Variants in GAB1 observed in about 807,000 individuals in gnomAD.
GAB1 encodes GRB2 associated binding protein 1.
GAB1 carries 19 observed loss-of-function variants against 66.5 expected under a neutral mutation model. The observed-to-expected ratio is 0.29, with a 90% confidence interval of 0.20 to 0.42. The LOEUF is 0.42. Ranked by LOEUF, GAB1 falls within the 10% of genes least tolerant of loss-of-function variation. GAB1 has a pLI of 1.00. For missense variants in GAB1, 732 were observed against 858.5 expected (o/e 0.85, Z 1.84); for synonymous variants, 294 against 301.4 (o/e 0.98, Z 0.25).
At chr4:143,387,156 AGTTTC>A (rs1225299402) in intron 1 of GAB1, among the ~76,000 whole-genome samples, 3 of 152,092 alleles carry the variant, frequency 2.0e-5, no homozygotes, top group Non-Finnish European at 2.9e-5. Flanking sequence ...TTTGAGACAG[AGTTTC>A]GCTCTTTTTG....
chr4:143,339,370 G>T (rs1728756106), intron 1 of GAB1, among the ~76,000 whole-genome samples: 1 of 152,244 alleles, frequency 6.6e-6, no homozygotes, highest in Non-Finnish European at 1.5e-5. Context: ...AAATAGCCGG[G>T]CGTGGTGGTG....
At chr4:143,449,336 G>C (rs1734762547) in intron 6 of GAB1, among the ~76,000 whole-genome samples, 1 of 151,648 alleles carries the variant, frequency 6.6e-6, no homozygotes, top group Non-Finnish European at 1.5e-5. Context: ...TTCAATTCCT[G>C]GGTATCCTTG....
At position 143,351,103 on chromosome 4, in the gene GAB1, G is replaced by T. The variant is rs551697777; in HGVS notation, c.72+13843G>T. ...TGAGGCCCCAGCGGGCGTGTGTTAC[G>T]GGGTGCTCTTTTAGTTTGCCGTCTA... On this transcript the variant is annotated intron_variant, in intron 1 of 9. Transcript: ENST00000262994. Among the ~76,000 whole-genome samples the T allele has an allele frequency of 1.8e-4, 28 of 152,302 alleles. 1 individual carries two copies. In the South Asian group the frequency reaches 5.4e-3, roughly 29 times the overall value.
At chr4:143,409,386 T>A (rs79109630) in intron 1 of GAB1, among the ~76,000 whole-genome samples, 2 of 138,576 alleles carry the variant, frequency 1.4e-5, no homozygotes, top group Non-Finnish European at 1.6e-5. Flanking sequence ...CTTTGAACTT[T>A]CCCCCCCCCC....
At chr4:143,343,039 A>G (rs1320622012) in intron 1 of GAB1, among the ~76,000 whole-genome samples, 2 of 152,144 alleles carry the variant, frequency 1.3e-5, no homozygotes, top group South Asian at 2.1e-4. Flanking sequence ...GTTTTGCTAT[A>G]GTGGAAGGAA....
At chr4:143,371,543 C>G (rs1312022366) in intron 1 of GAB1, among the ~76,000 whole-genome samples, 1 of 151,976 alleles carries the variant, frequency 6.6e-6, no homozygotes, top group East Asian at 1.9e-4. Context: ...TGCAGAAGCT[C>G]TTTAGTTTAA....
Position 143,446,062 on chromosome 4 carries a change from C to T in GAB1, c.1585+5680C>T, listed in dbSNP as rs989923545. On this transcript the variant is annotated intron_variant, in intron 6 of 9. Coordinates refer to ENST00000262994, the MANE Select transcript of GAB1 (RefSeq NM_002039.4). ...TGCAGTGTTTGGTTTTTTGTCCTTGCGATAGTTTACTGAGAATGATGATTT... is the reference window on the plus strand; with the variant it reads ...TGCAGTGTTTGGTTTTTTGTCCTTGTGATAGTTTACTGAGAATGATGATTT... Among the ~76,000 whole-genome samples the T allele has an allele frequency of 5.3e-5, 8 of 151,978 alleles. No individual in the cohort carries two copies. The East Asian group carries it at 5.8e-4, about 11-fold the overall frequency.
At chr4:143,370,494 T>G (rs1173228261) in intron 1 of GAB1, among the ~76,000 whole-genome samples, 1 of 152,150 alleles carries the variant, frequency 6.6e-6, no homozygotes, top group Admixed American at 6.5e-5. Flanking sequence ...GTGGAAACAG[T>G]CCTGTGCAGA....
chr4:143,368,691 C>T lies in GAB1; in HGVS notation c.72+31431C>T, dbSNP rs1729988175. 2.0e-5 allele frequency among the ~76,000 whole-genome samples: 3 copies of T among 152,184 alleles called. No individual in the cohort carries two copies. The Middle Eastern group carries it at 0.01, about 518-fold the overall frequency. The stretch of plus-strand genomic sequence containing the variant: ...ATATTTATTTTCTTTTGTCTAAACT[C>T]ATTCAATGTGCATTTTTCTCACCTG... On this transcript the variant is annotated intron_variant, in intron 1 of 9. Coordinates refer to ENST00000262994, the MANE Select transcript of GAB1 (RefSeq NM_002039.4).
At chr4:143,402,869 T>C (rs1001467509) in intron 1 of GAB1, among the ~76,000 whole-genome samples, 4 of 152,246 alleles carry the variant, frequency 2.6e-5, no homozygotes, top group African/African-American at 9.6e-5. Context: ...GCAGATCCTG[T>C]ATTTTTAAAT....
chr4:143,437,195 G>A (rs1445255620), intron 3 of GAB1, among the ~76,000 whole-genome samples: 1 of 152,158 alleles, frequency 6.6e-6, no homozygotes, highest in East Asian at 1.9e-4. Flanking sequence ...ATTCCTACAG[G>A]ACTTTGGACA....
intron 1 of GAB1, among the ~76,000 whole-genome samples, chr4:143,341,236 C>T (rs1391618983): frequency 3.3e-5 from 5 of 152,098 alleles, no homozygotes; most frequent in African/African-American, 7.2e-5. Context: ...GAATCATAAA[C>T]AGATTACTGT....
chr4:143,409,385 T>TCCCCCC (rs200855855), intron 1 of GAB1, among the ~76,000 whole-genome samples: 2 of 144,786 alleles, frequency 1.4e-5, no homozygotes, highest in African/African-American at 2.7e-5. Flanking sequence ...ACTTTGAACT[T>TCCCCCC]TCCCCCCCCC....
At chr4:143,373,040 TAA>T (rs199864030) in intron 1 of GAB1, among the ~76,000 whole-genome samples, 28 of 116,260 alleles carry the variant, frequency 2.4e-4, no homozygotes, top group South Asian at 3.0e-4. Context: ...GAATTTCCTT[TAA>T]AAACACACAC....
intron 6 of GAB1, among the ~76,000 whole-genome samples, chr4:143,448,826 T>G (rs1414546296): frequency 8.1e-4 from 123 of 151,090 alleles, no homozygotes; most frequent in Middle Eastern, 3.4e-3. Context: ...TCTTGCCTTC[T>G]GCTAGCTTTT....
At chr4:143,461,905 A>C (rs895987564) in intron 8 of GAB1, among the ~76,000 whole-genome samples, 1 of 152,214 alleles carries the variant, frequency 6.6e-6, no homozygotes, top group Non-Finnish European at 1.5e-5. Context: ...GTCAGGAAAC[A>C]TAATTCAGTG....
At chr4:143,433,982 C>T in intron 3 of GAB1, 1 of 679,240 alleles carries the variant, frequency 1.5e-6, no homozygotes, top group Non-Finnish European at 2.3e-6. Flanking sequence ...AAATCTGTCT[C>T]CTATTTTGTA....
At chr4:143,410,879 G>A (rs1732347917) in intron 1 of GAB1, among the ~76,000 whole-genome samples, 1 of 152,162 alleles carries the variant, frequency 6.6e-6, no homozygotes, top group Non-Finnish European at 1.5e-5. Flanking sequence ...TAGGCAATGG[G>A]AAAGGAAAGA....
At chr4:143,394,989 A>C (rs911920467) in intron 1 of GAB1, 1 of 152,188 alleles carries the variant, frequency 6.6e-6, no homozygotes, top group African/African-American at 2.4e-5. Flanking sequence ...ACAAGATTGC[A>C]GGGCTTTCAA....
Sources: gnomAD v4.1 joint callset for allele counts (sites outside exome capture counted in the v4.1 genomes callset) on GRCh38, gnomAD v4.1.1 for gene constraint, MANE v1.5 for transcripts, NCBI Gene and HGNC (gene_info 2026-07-23, HGNC 2026-07-21) for gene names.